The following BPIFB2 variants were observed in gnomAD, a reference collection of about 807,000 sequenced individuals.
BPIFB2 encodes the protein BPI fold-containing family B member 2.
A neutral mutation model predicts 50.1 loss-of-function variants in BPIFB2; 39 were observed. The ratio of observed to expected loss-of-function variants is 0.78; its 90% CI spans 0.60 to 1.02. The LOEUF is 1.02. BPIFB2 is among the 50% of genes least tolerant of loss of function. BPIFB2 has a pLI of 0.00. For synonymous variants in BPIFB2, 280 were observed against 256.3 expected (o/e 1.09, Z -0.88); for missense variants, 574 against 585.8 (o/e 0.98, Z 0.21).
At chr20:33,021,176 C>T in intron 13 of BPIFB2, 105 bp from the exon 14 acceptor site, 1 of 1,255,362 alleles carries the variant, frequency 8.0e-7, no homozygotes, top group Non-Finnish European at 1.1e-6. Context: ...TGCCATCCAT[C>T]TGTTGTCTGT....
At chr20:33,017,552 T>C (rs975892991) in intron 7 of BPIFB2, among the ~76,000 whole-genome samples, 15 of 152,164 alleles carry the variant, frequency 9.9e-5, no homozygotes, top group Non-Finnish European at 1.5e-5. Context: ...ATTCTGAGGC[T>C]CAGAGGAGTT....
At chr20:33,013,688 G>T (rs954128427) in intron 4 of BPIFB2, 122 bp from the exon 5 acceptor site, 14 of 1,379,214 alleles carry the variant, frequency 1.0e-5, no homozygotes, top group Non-Finnish European at 1.2e-5. Flanking sequence ...CTCTGGGAGT[G>T]GGGGGCCTGC....
In BPIFB2 at chr20:33,019,649, A is replaced by T; in HGVS notation, c.979A>T (p.Met327Leu). 1 of 1,612,542 alleles carries T rather than the reference A, an allele frequency of 6.2e-7. No homozygotes were observed. The highest frequency in any genetic ancestry group is 1.1e-5 in the South Asian group (1 of 90,726). The change falls in exon 11 of 16, where the codon ATG becomes TTG. Residue 327 changes from methionine to leucine, a missense_variant. Transcript: ENST00000170150. ...GCGGCTGGGTGCCACACCTGTGGCC[A>T]TGCTCCACACAAACAACGCCACCCT... ...KVRLGATPVA[M>L]LHTNNATLRL... is the part of the protein sequence containing the mutation.
intron 4 of BPIFB2, 104 bp downstream of exon 4, chr20:33,013,011 G>A: frequency 1.1e-6 from 1 of 873,996 alleles, no homozygotes; most frequent in Non-Finnish European, 1.8e-6. Context: ...CCTCATCCAG[G>A]CCTCTTGACT....
At chr20:33,020,299 C>T (rs374149739) in intron 11 of BPIFB2, 29 bp from the exon 12 acceptor site, 76 of 1,610,268 alleles carry the variant, frequency 4.7e-5, no homozygotes, top group Middle Eastern at 1.7e-4. Context: ...GCTCTGTGCC[C>T]TCTGACCCTG....
At position 33,023,636 on chromosome 20, in the gene BPIFB2, G is replaced by T. The variant is rs1340589014; in HGVS notation, c.*253G>T. ...CCTTCCTCTGCCCCACCCCAGCGGG[G>T]AGCAGACTGCTCCTCCAGGCTGTAT... On this transcript the variant is annotated 3_prime_UTR_variant, in exon 16 of 16. Coordinates refer to ENST00000170150, the MANE Select transcript of BPIFB2 (RefSeq NM_025227.3). 3.4e-6 allele frequency: 2 copies of T among 584,134 alleles called. No homozygotes were observed. Among genetic ancestry groups the T allele is most frequent in the East Asian group, 5.8e-5 (2 of 34,622 alleles). The allele number at this position is 584,134 out of a possible 1,614,324, so 36.2% of individuals were successfully genotyped here.
chr20:33,011,954 G>A lies in BPIFB2; in HGVS notation c.203+837G>A, dbSNP rs574355136. ...AGATTGTGCCATTGTACTCCAGCCTGGACGACAAGAATGAAACTCTGTCTC... is the reference window on the plus strand; with the variant it reads ...AGATTGTGCCATTGTACTCCAGCCTAGACGACAAGAATGAAACTCTGTCTC... On this transcript the variant is annotated intron_variant, in intron 3 of 15. Transcript: ENST00000170150. Among the ~76,000 whole-genome samples the A allele has an allele frequency of 3.3e-5, 5 of 152,216 alleles. No individual in the cohort carries two copies. In the East Asian group the frequency reaches 7.7e-4, roughly 23 times the overall value.
chr20:33,012,752 A>T, intron 3 of BPIFB2, 51 bp from the exon 4 acceptor site: 1 of 1,443,284 alleles, frequency 6.9e-7, no homozygotes, highest in African/African-American at 1.4e-5. Context: ...CCCAGAGTTG[A>T]TCCCATGGTT....
At chr20:33,023,248 A>C in intron 15 of BPIFB2, 94 bp from the exon 16 acceptor site, 1 of 1,275,810 alleles carries the variant, frequency 7.8e-7, no homozygotes. Flanking sequence ...CACAGCAAGA[A>C]TGGCAGAGCA....
chr20:33,017,156 C>A, intron 7 of BPIFB2, 54 bp downstream of exon 7: 3 of 1,543,616 alleles, frequency 1.9e-6, no homozygotes, highest in Non-Finnish European at 2.7e-6. Flanking sequence ...CCCCTGGAGC[C>A]CCTAGAACCC....
At chr20:33,021,394 C>A in intron 14 of BPIFB2, 50 bp downstream of exon 14, 2 of 1,555,118 alleles carry the variant, frequency 1.3e-6, no homozygotes, top group Non-Finnish European at 1.8e-6. Flanking sequence ...CCCTCCATAT[C>A]CCACATCTGC....
At chr20:33,015,328 C>A in intron 5 of BPIFB2, 108 bp from the exon 6 acceptor site, 2 of 958,664 alleles carry the variant, frequency 2.1e-6, no homozygotes, top group Non-Finnish European at 3.1e-6. Context: ...AATTGATTGG[C>A]CTCCTGGCTG....
chr20:33,011,776 C>T (rs903518634), intron 3 of BPIFB2, among the ~76,000 whole-genome samples: 23 of 152,156 alleles, frequency 1.5e-4, no homozygotes, highest in Non-Finnish European at 1.3e-4. Flanking sequence ...ATCAGGAGTT[C>T]AAGACCAGCC....
intron 11 of BPIFB2, 121 bp from the exon 12 acceptor site, chr20:33,020,207 A>G: frequency 1.1e-6 from 1 of 937,078 alleles, no homozygotes; most frequent in Non-Finnish European, 1.7e-6. Context: ...GGCCTGGCAC[A>G]TAGCAGGGGC....
chr20:33,008,279 C>A lies in BPIFB2; in HGVS notation c.-34-262C>A, dbSNP rs533224881. Among the ~76,000 whole-genome samples, 54 of 152,276 alleles carry A rather than the reference C, an allele frequency of 3.5e-4. 1 individual carries two copies. The highest frequency in any genetic ancestry group is 7.5e-4 in the Non-Finnish European group (51 of 68,028). On this transcript the variant is annotated intron_variant, in intron 1 of 15. Coordinates refer to ENST00000170150, the MANE Select transcript of BPIFB2 (RefSeq NM_025227.3). ...CTTGGGTCCTGCACCTGGTCCCAGT[C>A]CACTGTGTGGCCCTAGGCAAGACCA...
Position 33,019,749 on chromosome 20 carries a change from T to G in BPIFB2, c.1079T>G (p.Val360Gly), listed in dbSNP as rs772304119. The part of the protein sequence containing the change: ...SAFQSLFSLD[V>G]VVNLRLQLSV... ...TTCCAGTCCCTCTTCTCCCTGGATG[T>G]GGTGAGTGCGGTGGGGCTGGTCGGA... The change falls in exon 11 of 16, where the codon GTG becomes GGG. Residue 360 changes from valine to glycine, a missense_variant and splice_region_variant. Physicochemically the swap from Val to Gly is moderately radical, Grantham distance 109. Coordinates refer to ENST00000170150, the MANE Select transcript of BPIFB2 (RefSeq NM_025227.3). The G allele has an allele frequency of 1.9e-5, 31 of 1,600,922 alleles. No individual in the cohort carries two copies. The highest frequency in any genetic ancestry group is 2.6e-5 in the Non-Finnish European group (30 of 1,172,400).
chr20:33,022,623 T>A (rs1393806384), intron 15 of BPIFB2, among the ~76,000 whole-genome samples: 2 of 152,186 alleles, frequency 1.3e-5, no homozygotes, highest in South Asian at 4.1e-4. Context: ...TCTGCAAGGA[T>A]GGAAATTTAT....
Position 33,023,601 on chromosome 20 carries a change from T to G in BPIFB2, c.*218T>G. The G allele has an allele frequency of 1.6e-6, 1 of 622,414 alleles. No individual in the cohort carries two copies. Among genetic ancestry groups the G allele is most frequent in the Non-Finnish European group, 2.9e-6 (1 of 346,722 alleles). 38.6% of individuals were successfully genotyped at this position (622,414 alleles called of 1,614,324 possible). ...TCCTCTTCTCCTCCCTCTTCCCTCATCTCCCCCCTCCTTCCTCTGCCCCAC... is the reference window on the plus strand; with the variant it reads ...TCCTCTTCTCCTCCCTCTTCCCTCAGCTCCCCCCTCCTTCCTCTGCCCCAC... On this transcript the variant is annotated 3_prime_UTR_variant, in exon 16 of 16. Transcript: ENST00000170150.
chr20:33,013,847 C>CT lies in BPIFB2; in HGVS notation c.347dup (p.Leu117AlafsTer3), dbSNP rs1990321160. ...CCTGGAGCTGACGCTGCCTGTGGAACTGCTGGCTGACACCCGCGTGACCCA... is the reference window on the plus strand; with the variant it reads ...CCTGGAGCTGACGCTGCCTGTGGAACTTGCTGGCTGACACCCGCGTGACCCA... On this transcript the variant is annotated frameshift_variant, in exon 5 of 16. Transcript: ENST00000170150. LOFTEE classifies it high-confidence loss of function. 1.2e-6 allele frequency: 2 copies of CT among 1,613,916 alleles called. No homozygotes were observed. The highest frequency in any genetic ancestry group is 4.5e-5 in the East Asian group (2 of 44,860).
Sources: gnomAD v4.1 joint callset for allele counts (sites outside exome capture counted in the v4.1 genomes callset) on GRCh38, gnomAD v4.1.1 for gene constraint, MANE v1.5 for transcripts, NCBI Gene and HGNC (gene_info 2026-07-23, HGNC 2026-07-21) for gene names.